Variants in CDKAL1 observed in about 807,000 individuals in gnomAD.
CDKAL1 encodes threonylcarbamoyladenosine tRNA methylthiotransferase.
Under a neutral mutation model 68.2 loss-of-function variants are expected in CDKAL1, and 32 were observed. The observed-to-expected ratio is 0.47, with a 90% CI of 0.35 to 0.63. CDKAL1 has a LOEUF of 0.63. Ranked by LOEUF, CDKAL1 falls within the 30% of genes least tolerant of loss-of-function variation. The pLI, the probability that CDKAL1 is intolerant of heterozygous loss-of-function variation, is 0.00. For synonymous variants in CDKAL1, 234 were observed against 244.3 expected, an observed-to-expected ratio of 0.96 and a Z score of 0.39; for missense variants, 606 against 696.7, an observed-to-expected ratio of 0.87 and a Z score of 1.47.
At chr6:21,096,370 A>G (rs946993496) in intron 12 of CDKAL1, among the ~76,000 whole-genome samples, 1 of 152,308 alleles carries the variant, frequency 6.6e-6, no homozygotes, top group South Asian at 2.1e-4. Context: ...TCTGAGCATT[A>G]ATAGAGTTTG....
chr6:20,675,510 T>C (rs1397674212), intron 5 of CDKAL1, among the ~76,000 whole-genome samples: 4 of 152,342 alleles, frequency 2.6e-5, no homozygotes, highest in African/African-American at 9.6e-5. Context: ...ATGGACTGCA[T>C]ATATGATGGT....
At chr6:21,043,347 T>TTGTG (rs34254730) in intron 11 of CDKAL1, among the ~76,000 whole-genome samples, 57,875 of 150,372 alleles carry the variant, frequency 0.38, 11,308 homozygotes, top group Middle Eastern at 0.44. Context: ...GTGTGTGTGT[T>TTGTG]TGTGTGTGTG....
intron 9 of CDKAL1, among the ~76,000 whole-genome samples, chr6:20,889,668 T>A (rs1235427246): frequency 1.3e-5 from 2 of 152,226 alleles, no homozygotes; most frequent in African/African-American, 4.8e-5. Flanking sequence ...CAGATGGTTG[T>A]AGATGTGTGG....
At chr6:20,780,099 T>TAA (rs745598145) in intron 7 of CDKAL1, among the ~76,000 whole-genome samples, 1,410 of 89,132 alleles carry the variant, frequency 0.016, 25 homozygotes, top group African/African-American at 0.055. Flanking sequence ...AACCTAACCT[T>TAA]AAAAAAAAAA....
chr6:21,139,591 G>C (rs936396530), intron 13 of CDKAL1, among the ~76,000 whole-genome samples: 3 of 152,006 alleles, frequency 2.0e-5, no homozygotes, highest in African/African-American at 7.3e-5. Context: ...GCTCAGTGCA[G>C]CCTCAACCTC....
chr6:20,541,835 T>C (rs933406620), intron 2 of CDKAL1, among the ~76,000 whole-genome samples: 2 of 152,176 alleles, frequency 1.3e-5, no homozygotes, highest in Admixed American at 1.3e-4. Context: ...TAATTTTGTA[T>C]TTTTAGTAGA....
chr6:21,089,150 GATGA>G (rs1364926627), intron 12 of CDKAL1, among the ~76,000 whole-genome samples: 1 of 152,126 alleles, frequency 6.6e-6, no homozygotes, highest in Non-Finnish European at 1.5e-5. Flanking sequence ...TTGATGGTGA[GATGA>G]ATGTTTTTTA....
chr6:20,599,130 T>C (rs1765970592), intron 4 of CDKAL1, among the ~76,000 whole-genome samples: 1 of 152,100 alleles, frequency 6.6e-6, no homozygotes, highest in African/African-American at 2.4e-5. Context: ...TTGGTTCTCC[T>C]ATAATCTCCA....
chr6:21,083,463 G>A (rs1772523108), intron 12 of CDKAL1, among the ~76,000 whole-genome samples: 1 of 152,178 alleles, frequency 6.6e-6, no homozygotes, highest in African/African-American at 2.4e-5. Flanking sequence ...AGATGTAGAT[G>A]TAGTCATAGA....
intron 8 of CDKAL1, among the ~76,000 whole-genome samples, chr6:20,791,149 T>C (rs1263601296): frequency 6.6e-6 from 1 of 152,262 alleles, no homozygotes; most frequent in Non-Finnish European, 1.5e-5. Flanking sequence ...TGCCTCCTGC[T>C]GCTATCATTG....
At chr6:20,575,417 T>G (rs1302812835) in intron 4 of CDKAL1, among the ~76,000 whole-genome samples, 1 of 93,642 alleles carries the variant, frequency 1.1e-5, no homozygotes, top group African/African-American at 4.4e-5. Context: ...TGATAAGGGA[T>G]AAGCTGTATA....
intron 4 of CDKAL1, among the ~76,000 whole-genome samples, chr6:20,585,595 T>C (rs1765322357): frequency 6.6e-6 from 1 of 152,182 alleles, no homozygotes; most frequent in Non-Finnish European, 1.5e-5. Flanking sequence ...CCTTATCTTA[T>C]ATAGTCTTTG....
intron 9 of CDKAL1, among the ~76,000 whole-genome samples, chr6:20,869,786 A>C (rs1760104555): frequency 6.6e-6 from 1 of 152,208 alleles, no homozygotes; most frequent in African/African-American, 2.4e-5. Context: ...ATATCATGAA[A>C]CATTTTTAAA....
At chr6:20,950,659 A>C (rs942946943) in intron 9 of CDKAL1, among the ~76,000 whole-genome samples, 1 of 152,096 alleles carries the variant, frequency 6.6e-6, no homozygotes, top group Non-Finnish European at 1.5e-5. Context: ...AAAGGATAGG[A>C]ATGGAGAACA....
intron 7 of CDKAL1, among the ~76,000 whole-genome samples, chr6:20,763,309 C>T (rs1442020301): frequency 6.6e-6 from 1 of 152,186 alleles, no homozygotes; most frequent in African/African-American, 2.4e-5. Flanking sequence ...CAGGTTTCTG[C>T]AGCTCTTCTC....
chr6:21,006,335 A>G (rs1767727301), intron 11 of CDKAL1, among the ~76,000 whole-genome samples: 1 of 152,214 alleles, frequency 6.6e-6, no homozygotes, highest in Non-Finnish European at 1.5e-5. Flanking sequence ...AGCAAGGATT[A>G]GATAATTATA....
chr6:20,712,264 T>C (rs927971312), intron 5 of CDKAL1, among the ~76,000 whole-genome samples: 5 of 152,134 alleles, frequency 3.3e-5, no homozygotes, highest in Non-Finnish European at 5.9e-5. Context: ...GGAGAATGTA[T>C]GAGAAAACCT....
chr6:20,729,288 C>T (rs1276199320), intron 5 of CDKAL1, among the ~76,000 whole-genome samples: 2 of 152,194 alleles, frequency 1.3e-5, no homozygotes, highest in Non-Finnish European at 2.9e-5. Context: ...TGTCAGGATG[C>T]AGCCTTCCCA....
intron 5 of CDKAL1, among the ~76,000 whole-genome samples, chr6:20,682,437 G>A (rs939159221): frequency 6.6e-6 from 1 of 152,184 alleles, no homozygotes; most frequent in Non-Finnish European, 1.5e-5. Context: ...GGTATAGGAA[G>A]CATGGCTGGA....
Sources: allele counts gnomAD v4.1 joint callset (sites outside exome capture counted in the v4.1 genomes callset), GRCh38; gene constraint gnomAD v4.1.1; transcripts MANE v1.5; gene names NCBI Gene and HGNC (gene_info 2026-07-23, HGNC 2026-07-21).